Variants in GABRB2 observed in about 807,000 individuals in gnomAD.
GABRB2 encodes the protein gamma-aminobutyric acid type A receptor subunit beta2, also known as gamma-aminobutyric acid receptor subunit beta-2.
GABRB2 carries 16 observed loss-of-function variants against 54.7 expected under a neutral mutation model. The observed-to-expected ratio is 0.29, with a 90% CI of 0.20 to 0.44. The LOEUF (loss-of-function observed/expected upper bound fraction) is 0.44. Among genes scored for constraint, GABRB2 ranks in the 20% least tolerant of loss-of-function variants. The pLI is 1.00. For missense variants in GABRB2, 355 were observed against 644.0 expected, an observed-to-expected ratio of 0.55 and a Z score of 4.86; for synonymous variants, 244 against 233.8, an observed-to-expected ratio of 1.04 and a Z score of -0.40.
At chr5:161,410,726 T>C (rs1580962318) in intron 5 of GABRB2, among the ~76,000 whole-genome samples, 1 of 152,190 alleles carries the variant, frequency 6.6e-6, no homozygotes, top group East Asian at 1.9e-4. Flanking sequence ...GCTGTTAGCA[T>C]ATTCCTTTTA....
intron 5 of GABRB2, among the ~76,000 whole-genome samples, chr5:161,364,459 A>C (rs1280596765): frequency 2.0e-5 from 3 of 152,176 alleles, no homozygotes; most frequent in Non-Finnish European, 4.4e-5. Flanking sequence ...ATGAATACTG[A>C]ACTCTTGATG....
At chr5:161,510,942 C>A (rs1759749301) in intron 3 of GABRB2, among the ~76,000 whole-genome samples, 1 of 151,910 alleles carries the variant, frequency 6.6e-6, no homozygotes, top group South Asian at 2.1e-4. Flanking sequence ...TAATCACATT[C>A]TTTCTATATG....
intron 3 of GABRB2, among the ~76,000 whole-genome samples, chr5:161,477,834 C>T (rs1432804076): frequency 2.0e-5 from 3 of 151,818 alleles, no homozygotes; most frequent in Non-Finnish European, 4.4e-5. Flanking sequence ...TTGTCGTTTA[C>T]AGGGTATAGG....
chr5:161,378,438 A>G (rs1313526012), intron 5 of GABRB2, among the ~76,000 whole-genome samples: 1 of 152,130 alleles, frequency 6.6e-6, no homozygotes, highest in East Asian at 1.9e-4. Context: ...TTCCCAGTAC[A>G]CTTATTCTAG....
chr5:161,469,085 A>C (rs1352914356), intron 3 of GABRB2, among the ~76,000 whole-genome samples: 1 of 151,930 alleles, frequency 6.6e-6, no homozygotes, highest in African/African-American at 2.4e-5. Context: ...AAATGTGTCC[A>C]AAAATATTTC....
chr5:161,493,271 A>AT (rs964817204), intron 3 of GABRB2, among the ~76,000 whole-genome samples: 11 of 151,412 alleles, frequency 7.3e-5, no homozygotes, highest in African/African-American at 2.7e-4. Flanking sequence ...TCATTTTTCC[A>AT]TTTTTTCCTT....
chr5:161,460,736 C>G (rs1758100281), intron 3 of GABRB2, among the ~76,000 whole-genome samples: 1 of 151,964 alleles, frequency 6.6e-6, no homozygotes, highest in Non-Finnish European at 1.5e-5. Context: ...GTAAACAAGA[C>G]AGATTAAATG....
chr5:161,384,630 C>T (rs1755568996), intron 5 of GABRB2, among the ~76,000 whole-genome samples: 3 of 152,146 alleles, frequency 2.0e-5, no homozygotes. Flanking sequence ...TGAAACTTCA[C>T]CAGAAATGCA....
intron 5 of GABRB2, among the ~76,000 whole-genome samples, chr5:161,344,555 G>C (rs115768291): frequency 2.0e-5 from 3 of 151,954 alleles, no homozygotes; most frequent in African/African-American, 7.3e-5. Context: ...ACAGATGCTG[G>C]TGGGGCTATG....
intron 4 of GABRB2, among the ~76,000 whole-genome samples, chr5:161,416,803 C>T (rs1756691235): frequency 6.7e-6 from 1 of 149,822 alleles, no homozygotes; most frequent in Admixed American, 6.7e-5. Context: ...TCAAAATGTG[C>T]ATTTACATAA....
chr5:161,474,295 G>A (rs561222333), intron 3 of GABRB2, among the ~76,000 whole-genome samples: 5 of 151,848 alleles, frequency 3.3e-5, no homozygotes, highest in African/African-American at 1.2e-4. Flanking sequence ...TCAATTTTGC[G>A]ATGACATTCA....
chr5:161,411,339 G>T (rs560127811), intron 4 of GABRB2, among the ~76,000 whole-genome samples: 1 of 152,318 alleles, frequency 6.6e-6, no homozygotes, highest in East Asian at 1.9e-4. Flanking sequence ...TCCAGCATGT[G>T]TTGGGGAGAG....
At chr5:161,484,068 G>GA (rs891170654) in intron 3 of GABRB2, among the ~76,000 whole-genome samples, 35 of 148,816 alleles carry the variant, frequency 2.4e-4, no homozygotes, top group African/African-American at 5.4e-4. Flanking sequence ...CAAAGAAAAT[G>GA]AAAAAAAAAG....
At chr5:161,536,586 CT>C (rs1427047137) in intron 3 of GABRB2, among the ~76,000 whole-genome samples, 1 of 152,070 alleles carries the variant, frequency 6.6e-6, no homozygotes. Context: ...CAACCTACTC[CT>C]TTCTAAAGAT....
At chr5:161,547,705 G>A (rs1428841625), upstream of GABRB2, among the ~76,000 whole-genome samples, 1 of 152,114 alleles carries the variant, frequency 6.6e-6, no homozygotes, top group Non-Finnish European at 1.5e-5. Context: ...CGTGAGGGAT[G>A]CGGGTGACGG....
chr5:161,328,268 G>A (rs555154267), intron 8 of GABRB2, among the ~76,000 whole-genome samples: 2 of 152,162 alleles, frequency 1.3e-5, no homozygotes, highest in South Asian at 2.1e-4. Flanking sequence ...GAACACACAC[G>A]CTAGCATCAC....
At chr5:161,483,256 G>C (rs1177179695) in intron 3 of GABRB2, among the ~76,000 whole-genome samples, 1 of 151,942 alleles carries the variant, frequency 6.6e-6, no homozygotes, top group Non-Finnish European at 1.5e-5. Context: ...TCTGTGTTAT[G>C]CAGCTTCCTC....
In GABRB2 at chr5:161,336,696, A is replaced by G. The variant is rs1400169299; in HGVS notation, c.615T>C (p.Ile205=). 10 of 1,613,424 alleles carry G rather than the reference A, an allele frequency of 6.2e-6. No homozygotes were observed. The highest frequency in any genetic ancestry group is 7.6e-6 in the Non-Finnish European group (9 of 1,179,712). The part of the protein sequence containing the change: ...DDNAVTGVTK[I]ELPQFSIVDY... The stretch of plus-strand genomic sequence containing the variant: ...CTACAATAGAGAACTGTGGAAGTTC[A>G]ATTTTCGTTACTCCTGTTACTGCAT... Residue 205 remains isoleucine, a synonymous_variant, in exon 6 of 10, where the codon ATT becomes ATC. Coordinates refer to ENST00000393959, the MANE Select transcript of GABRB2 (RefSeq NM_001371727.1).
At chr5:161,468,160 C>A (rs1048551249) in intron 3 of GABRB2, among the ~76,000 whole-genome samples, 1 of 152,044 alleles carries the variant, frequency 6.6e-6, no homozygotes, top group Non-Finnish European at 1.5e-5. Flanking sequence ...ACCCTTGCTC[C>A]TACAGTGTAG....
Sources: allele counts gnomAD v4.1 joint callset (sites outside exome capture counted in the v4.1 genomes callset), GRCh38; gene constraint gnomAD v4.1.1; transcripts MANE v1.5; gene names NCBI Gene and HGNC (gene_info 2026-07-23, HGNC 2026-07-21).